The following WDR7 variants were observed in gnomAD, a reference collection of about 807,000 sequenced individuals.
WDR7 encodes WD repeat-containing protein 7.
In WDR7, 46 loss-of-function variants were observed where a neutral mutation model predicts 169.4. The observed-to-expected ratio is 0.27, with a 90% CI of 0.21 to 0.35. The LOEUF (loss-of-function observed/expected upper bound fraction) is 0.35. WDR7 is among the 10% of genes least tolerant of loss of function. WDR7 has a pLI of 1.00. For missense variants in WDR7, 1,534 were observed against 1,859.3 expected, an observed-to-expected ratio of 0.83 and a Z score of 3.22; for synonymous variants, 612 against 666.8, an observed-to-expected ratio of 0.92 and a Z score of 1.27.
intron 13 of WDR7, 140 bp from the exon 14 acceptor site, chr18:56,731,243 G>T: frequency 1.2e-6 from 1 of 823,706 alleles, no homozygotes; most frequent in Non-Finnish European, 1.9e-6. Flanking sequence ...GTTAGAGGAA[G>T]GAAGTACAAA....
At chr18:56,835,051 C>T (rs372842060) in intron 20 of WDR7, among the ~76,000 whole-genome samples, 6 of 152,156 alleles carry the variant, frequency 3.9e-5, no homozygotes, top group Admixed American at 6.5e-5. Context: ...TCAGCCCTGA[C>T]GTCACTCTCC....
intron 20 of WDR7, among the ~76,000 whole-genome samples, chr18:56,829,163 C>T (rs2045266711): frequency 6.6e-6 from 1 of 151,068 alleles, no homozygotes; most frequent in Non-Finnish European, 1.5e-5. Flanking sequence ...GTGGTGTGCA[C>T]CTGTAGTCTC....
intron 20 of WDR7, among the ~76,000 whole-genome samples, chr18:56,849,735 T>C (rs2045615206): frequency 6.6e-6 from 1 of 152,106 alleles, no homozygotes; most frequent in Admixed American, 6.6e-5. Context: ...GCTTAAAACT[T>C]TCCAATAGCT....
At chr18:56,855,501 A>G (rs916283284) in intron 20 of WDR7, among the ~76,000 whole-genome samples, 1 of 152,132 alleles carries the variant, frequency 6.6e-6, no homozygotes, top group Non-Finnish European at 1.5e-5. Flanking sequence ...TAAGTTTTAA[A>G]GTTTTCCTAC....
intron 20 of WDR7, among the ~76,000 whole-genome samples, chr18:56,867,804 C>CA (rs1344584579): frequency 1.3e-5 from 2 of 151,938 alleles, no homozygotes; most frequent in Admixed American, 6.6e-5. Flanking sequence ...AATAATTGTG[C>CA]AAAAAATTCA....
intron 20 of WDR7, among the ~76,000 whole-genome samples, chr18:56,869,328 G>T (rs1433478457): frequency 6.6e-6 from 1 of 152,184 alleles, no homozygotes. Context: ...GCTGCAGAAA[G>T]AAATATGCAT....
intron 14 of WDR7, among the ~76,000 whole-genome samples, chr18:56,752,231 G>A (rs2043805739): frequency 1.3e-5 from 2 of 152,202 alleles, no homozygotes; most frequent in African/African-American, 4.8e-5. Flanking sequence ...CGAGCCTGCA[G>A]GATAAAGCCA....
intron 12 of WDR7, among the ~76,000 whole-genome samples, chr18:56,717,418 A>C (rs543807820): frequency 6.6e-6 from 1 of 152,238 alleles, no homozygotes; most frequent in Non-Finnish European, 1.5e-5. Flanking sequence ...TTATAGATAG[A>C]AACCATGAAG....
intron 21 of WDR7, among the ~76,000 whole-genome samples, chr18:56,907,523 A>G (rs145912838): frequency 2.0e-3 from 297 of 152,272 alleles, no homozygotes; most frequent in African/African-American, 6.8e-3. Flanking sequence ...GCCTAATAAG[A>G]TTGTACCCTT....
At chr18:57,036,526 G>C in the WDR7 span, 1 of 152,404 alleles carries the variant, frequency 6.6e-6, no homozygotes, top group Non-Finnish European at 1.5e-5. Context: ...TCACAGTCCA[G>C]CTCCCCCCTG....
intron 16 of WDR7, among the ~76,000 whole-genome samples, chr18:56,762,374 C>G (rs1225843223): frequency 5.9e-5 from 9 of 151,764 alleles, no homozygotes; most frequent in Admixed American, 5.9e-4. Flanking sequence ...TTCATAAATT[C>G]AAACTCTAGA....
At chr18:56,818,305 T>C (rs2045020395) in intron 20 of WDR7, among the ~76,000 whole-genome samples, 1 of 152,252 alleles carries the variant, frequency 6.6e-6, no homozygotes, top group African/African-American at 2.4e-5. Context: ...TTTTGAATTA[T>C]GCACTACCAA....
intron 21 of WDR7, among the ~76,000 whole-genome samples, chr18:56,918,462 T>C (rs550908965): frequency 6.6e-6 from 1 of 152,264 alleles, no homozygotes; most frequent in Non-Finnish European, 1.5e-5. Flanking sequence ...ACTAGTAAAA[T>C]TTCTAAAAAT....
At chr18:57,017,288 C>T (rs2048218950) in intron 26 of WDR7, among the ~76,000 whole-genome samples, 1 of 152,230 alleles carries the variant, frequency 6.6e-6, no homozygotes, top group Non-Finnish European at 1.5e-5. Context: ...CTTCCCTGCA[C>T]TGCTTGAGCG....
chr18:56,945,682 A>G (rs1456624528), intron 25 of WDR7, among the ~76,000 whole-genome samples: 2 of 152,156 alleles, frequency 1.3e-5, no homozygotes, highest in Non-Finnish European at 2.9e-5. Flanking sequence ...TTCCCAGACT[A>G]CCTTCAAGAG....
intron 19 of WDR7, among the ~76,000 whole-genome samples, chr18:56,792,622 T>TC (rs2044509962): frequency 6.6e-6 from 1 of 151,768 alleles, no homozygotes; most frequent in Non-Finnish European, 1.5e-5. Flanking sequence ...GTTTTTTTTT[T>TC]TTTTTTGAAA....
intron 22 of WDR7, among the ~76,000 whole-genome samples, chr18:56,931,673 A>G (rs932395103): frequency 2.0e-5 from 3 of 152,204 alleles, no homozygotes; most frequent in African/African-American, 7.2e-5. Flanking sequence ...CCTGGAATAA[A>G]TGGGGTTTGC....
At chr18:56,892,286 T>C (rs1161817832) in intron 21 of WDR7, among the ~76,000 whole-genome samples, 2 of 152,156 alleles carry the variant, frequency 1.3e-5, no homozygotes, top group African/African-American at 4.8e-5. Context: ...CTTGCCTATC[T>C]CACTTTAATT....
intron 20 of WDR7, among the ~76,000 whole-genome samples, chr18:56,856,247 A>G (rs2045719892): frequency 6.6e-6 from 1 of 152,134 alleles, no homozygotes; most frequent in South Asian, 2.1e-4. Context: ...AGATCCTATA[A>G]CTATGGCTAG....
Sources: gnomAD v4.1 joint callset for allele counts (sites outside exome capture counted in the v4.1 genomes callset) on GRCh38, gnomAD v4.1.1 for gene constraint, MANE v1.5 for transcripts, NCBI Gene and HGNC (gene_info 2026-07-23, HGNC 2026-07-21) for gene names.